EYS: variants seen among roughly 807,000 people sequenced by gnomAD.
EYS encodes EGF-like photoreceptor maintenance factor, also known as protein eyes shut homolog.
EYS carries 250 observed loss-of-function variants against 282.1 expected under a neutral mutation model. That is an observed-to-expected ratio of 0.89 (90% CI 0.80 to 0.98). The LOEUF (loss-of-function observed/expected upper bound fraction) is 0.98, where lower values mean the gene tolerates loss of function less well. EYS is among the 50% of genes least tolerant of loss of function. The pLI is 0.00. For missense variants in EYS, 4,016 were observed against 3,709.0 expected, an observed-to-expected ratio of 1.08 and a Z score of -2.15; for synonymous variants, 1,355 against 1,282.9, an observed-to-expected ratio of 1.06 and a Z score of -1.20.
At chr6:65,693,303 C>T (rs1769312416) in intron 1 of EYS, among the ~76,000 whole-genome samples, 1 of 149,052 alleles carries the variant, frequency 6.7e-6, no homozygotes, top group Middle Eastern at 3.2e-3. Context: ...CATAATTTTA[C>T]AGTTCATATA....
At chr6:65,341,898 T>C (rs1262037935) in intron 10 of EYS, among the ~76,000 whole-genome samples, 2 of 151,262 alleles carry the variant, frequency 1.3e-5, no homozygotes, top group Non-Finnish European at 3.0e-5. Flanking sequence ...ACATTCTATA[T>C]TGCCATTCTA....
intron 35 of EYS, among the ~76,000 whole-genome samples, chr6:63,969,952 G>A (rs889946700): frequency 3.3e-5 from 5 of 152,186 alleles, no homozygotes; most frequent in Admixed American, 3.3e-4. Context: ...ACAGGCAACT[G>A]AGACCCTGTC....
chr6:65,432,329 T>C (rs750882289), intron 5 of EYS, among the ~76,000 whole-genome samples: 9 of 152,088 alleles, frequency 5.9e-5, no homozygotes, highest in Non-Finnish European at 1.0e-4. Context: ...CTCCTTGAAC[T>C]TAAATTCTGG....
At chr6:64,517,724 G>C (rs1777605806) in intron 26 of EYS, among the ~76,000 whole-genome samples, 1 of 151,460 alleles carries the variant, frequency 6.6e-6, no homozygotes, top group Non-Finnish European at 1.5e-5. Context: ...AGGGCTCTCA[G>C]AATAGAAAAT....
intron 28 of EYS, among the ~76,000 whole-genome samples, chr6:64,407,422 A>T (rs189657899): frequency 5.9e-5 from 9 of 152,274 alleles, no homozygotes; most frequent in Non-Finnish European, 8.8e-5. Flanking sequence ...CATTCTACAC[A>T]TGTACCCCAG....
intron 12 of EYS, among the ~76,000 whole-genome samples, chr6:65,251,311 G>A (rs557046090): frequency 1.3e-5 from 2 of 151,566 alleles, no homozygotes; most frequent in African/African-American, 2.4e-5. Flanking sequence ...AGAAAATACT[G>A]ATGTTTGATC....
At chr6:63,876,435 G>A in intron 35 of EYS, among the ~76,000 whole-genome samples, 1 of 152,206 alleles carries the variant, frequency 6.6e-6, no homozygotes, top group South Asian at 2.1e-4. Flanking sequence ...GTGCTGAGAA[G>A]AATGTACATT....
chr6:65,110,086 C>T (rs1011606975), intron 12 of EYS, among the ~76,000 whole-genome samples: 6 of 152,132 alleles, frequency 3.9e-5, no homozygotes, highest in African/African-American at 1.4e-4. Context: ...CACAGCATCT[C>T]TATTACACAA....
chr6:65,698,623 A>G (rs1380148991), intron 1 of EYS, among the ~76,000 whole-genome samples: 1 of 152,228 alleles, frequency 6.6e-6, no homozygotes, highest in East Asian at 1.9e-4. Context: ...GTGTTCTCCC[A>G]CAGCTGTGGT....
chr6:64,479,485 T>C (rs745333798), intron 26 of EYS, among the ~76,000 whole-genome samples: 11 of 151,978 alleles, frequency 7.2e-5, no homozygotes, highest in Admixed American at 2.6e-4. Flanking sequence ...AAATGCCAAC[T>C]GCACTGGACA....
chr6:64,061,151 A>G (rs1476872960), intron 33 of EYS, among the ~76,000 whole-genome samples: 1 of 152,214 alleles, frequency 6.6e-6, no homozygotes, highest in Non-Finnish European at 1.5e-5. Context: ...GGAATAGGCT[A>G]TGTGCCTTTA....
chr6:64,522,026 G>T (rs746250518), intron 26 of EYS, among the ~76,000 whole-genome samples: 12 of 151,810 alleles, frequency 7.9e-5, no homozygotes, highest in Non-Finnish European at 1.2e-4. Flanking sequence ...TATGTGGACA[G>T]TAAGCAGTCC....
intron 21 of EYS, among the ~76,000 whole-genome samples, chr6:64,816,052 T>C (rs1583187536): frequency 6.6e-6 from 1 of 152,208 alleles, no homozygotes; most frequent in Middle Eastern, 3.4e-3. Flanking sequence ...TATCATAACA[T>C]TTCTCTCATG....
chr6:64,785,944 T>A (rs991793117), intron 22 of EYS, among the ~76,000 whole-genome samples: 2 of 152,168 alleles, frequency 1.3e-5, no homozygotes, highest in East Asian at 1.9e-4. Flanking sequence ...TATGTGCCAG[T>A]GTGGCAATCA....
chr6:64,341,193 C>G (rs1582624399), intron 29 of EYS, among the ~76,000 whole-genome samples: 1 of 151,844 alleles, frequency 6.6e-6, no homozygotes, highest in East Asian at 1.9e-4. Context: ...CCCAGCAATC[C>G]CATTACTGGC....
chr6:64,536,444 A>G lies in EYS; in HGVS notation c.5644+53779T>C, dbSNP rs116042093. Among the ~76,000 whole-genome samples, 516 of 152,300 alleles carry G rather than the reference A, an allele frequency of 3.4e-3. 3 individuals are homozygous for G. The highest frequency in any genetic ancestry group is 0.012 in the African/African-American group (480 of 41,568). On this transcript the variant is annotated intron_variant, in intron 26 of 42. Transcript: ENST00000503581. ...ATGACGACAATTACAGGTACTCTCT[A>G]TTACATGGTTTAACATTGAACCTCA...
intron 26 of EYS, among the ~76,000 whole-genome samples, chr6:64,575,308 G>A (rs928058412): frequency 1.3e-5 from 2 of 151,948 alleles, no homozygotes; most frequent in Admixed American, 1.3e-4. Flanking sequence ...TAAAGAGCAT[G>A]TTAAAAAAAG....
At chr6:65,222,674 T>C (rs746373674) in intron 12 of EYS, among the ~76,000 whole-genome samples, 1 of 152,160 alleles carries the variant, frequency 6.6e-6, no homozygotes, top group Non-Finnish European at 1.5e-5. Context: ...GATGCATATA[T>C]AGTGCTAAGG....
chr6:65,622,365 A>G (rs1018101185), intron 2 of EYS, among the ~76,000 whole-genome samples: 3 of 152,212 alleles, frequency 2.0e-5, no homozygotes, highest in Non-Finnish European at 4.4e-5. Flanking sequence ...TCAACTTTTT[A>G]TAAATTTTCT....
Sources: allele counts gnomAD v4.1 joint callset (sites outside exome capture counted in the v4.1 genomes callset), GRCh38; gene constraint gnomAD v4.1.1; transcripts MANE v1.5; gene names NCBI Gene and HGNC (gene_info 2026-07-23, HGNC 2026-07-21).